FAM78B: variants seen among roughly 807,000 people sequenced by gnomAD.
FAM78B encodes protein FAM78B.
FAM78B carries 10 observed loss-of-function variants against 20.0 expected under a neutral mutation model. The ratio of observed to expected loss-of-function variants is 0.50; its 90% CI spans 0.31 to 0.85. The LOEUF is 0.85. FAM78B is among the 40% of genes least tolerant of loss of function. FAM78B has a pLI of 0.05. For synonymous variants in FAM78B, 135 were observed against 132.8 expected, an observed-to-expected ratio of 1.02 and a Z score of -0.12; for missense variants, 283 against 345.0, an observed-to-expected ratio of 0.82 and a Z score of 1.42.
At chr1:166,084,237 A>ACACTCTCTCTCTCTCTCTCTCTCT (rs771421402) in intron 1 of FAM78B, among the ~76,000 whole-genome samples, 1 of 125,416 alleles carries the variant, frequency 8.0e-6, no homozygotes. Flanking sequence ...ACACACACAC[A>ACACTCTCTCTCTCTCTCTCTCTCT]CTCTCTCTCT....
At chr1:166,165,917 G>A (rs1244246145) in intron 1 of FAM78B, 69 bp downstream of exon 1, 4 of 1,587,588 alleles carry the variant, frequency 2.5e-6, no homozygotes, top group Non-Finnish European at 3.4e-6. Flanking sequence ...AGCTGGGGAG[G>A]GGGGTCAAGG....
chr1:166,082,378 T>C (rs903779714), intron 1 of FAM78B, among the ~76,000 whole-genome samples: 4 of 152,204 alleles, frequency 2.6e-5, no homozygotes, highest in Non-Finnish European at 2.9e-5. Flanking sequence ...TCCTTTTCTT[T>C]TTCTGAAAAT....
intron 1 of FAM78B, among the ~76,000 whole-genome samples, chr1:166,153,681 G>A (rs1655777948): frequency 6.6e-6 from 1 of 152,134 alleles, no homozygotes; most frequent in Non-Finnish European, 1.5e-5. Flanking sequence ...ACTATGTAAG[G>A]GGGAGGTGGA....
At chr1:166,112,094 C>G (rs1456480706) in intron 1 of FAM78B, among the ~76,000 whole-genome samples, 1 of 152,214 alleles carries the variant, frequency 6.6e-6, no homozygotes, top group East Asian at 1.9e-4. Context: ...GGCATCACTG[C>G]CCCTGCCTAA....
At chr1:166,154,908 T>C (rs145419395) in intron 1 of FAM78B, 3 of 453,300 alleles carry the variant, frequency 6.6e-6, no homozygotes, top group East Asian at 7.1e-5. Context: ...AATGATTCTG[T>C]TGATCTACCA....
chr1:166,082,762 A>C (rs992233722), intron 1 of FAM78B: 4 of 152,532 alleles, frequency 2.6e-5, no homozygotes, highest in Admixed American at 2.6e-4. Flanking sequence ...AGTTCAAGGG[A>C]GCTGCAGAGG....
chr1:166,132,260 G>T (rs2101780140), intron 1 of FAM78B, among the ~76,000 whole-genome samples: 1 of 151,980 alleles, frequency 6.6e-6, no homozygotes, highest in South Asian at 2.1e-4. Context: ...TCCTCTCTTT[G>T]CTACCCAGAA....
intron 1 of FAM78B, among the ~76,000 whole-genome samples, chr1:166,165,497 T>C (rs892239620): frequency 6.6e-6 from 1 of 152,050 alleles, no homozygotes; most frequent in Non-Finnish European, 1.5e-5. Flanking sequence ...AGGACAGAAC[T>C]ACCAACTCCC....
intron 1 of FAM78B, among the ~76,000 whole-genome samples, chr1:166,164,453 C>T (rs917898014): frequency 2.2e-4 from 34 of 152,244 alleles, no homozygotes; most frequent in Non-Finnish European, 1.2e-4. Context: ...TGGCATGATT[C>T]GCCCCAAATA....
chr1:166,153,842 C>T (rs1414669976), intron 1 of FAM78B, among the ~76,000 whole-genome samples: 4 of 152,118 alleles, frequency 2.6e-5, no homozygotes, highest in Admixed American at 2.0e-4. Context: ...TCCCTCTATA[C>T]CCCCCTTAGA....
chr1:166,136,470 T>C (rs537280295), intron 1 of FAM78B, among the ~76,000 whole-genome samples: 2 of 152,254 alleles, frequency 1.3e-5, no homozygotes, highest in African/African-American at 4.8e-5. Context: ...AGATGCCTTA[T>C]CTCTCTGCCC....
intron 1 of FAM78B, among the ~76,000 whole-genome samples, chr1:166,071,557 C>T (rs150699913): frequency 1.3e-3 from 198 of 152,382 alleles, no homozygotes; most frequent in Non-Finnish European, 2.2e-3. Flanking sequence ...TCTCTACCCC[C>T]TGCTGTAGAC....
chr1:166,140,586 T>G (rs1415538708), intron 1 of FAM78B, among the ~76,000 whole-genome samples: 1 of 152,226 alleles, frequency 6.6e-6, no homozygotes, highest in Non-Finnish European at 1.5e-5. Flanking sequence ...CAAAGGAGAC[T>G]TCTGTCTTTT....
intron 1 of FAM78B, among the ~76,000 whole-genome samples, chr1:166,163,955 G>C (rs1656257045): frequency 6.6e-6 from 1 of 152,174 alleles, no homozygotes. Context: ...GGATTCAGTG[G>C]GGAAGGGTCA....
At position 166,069,799 on chromosome 1, in the gene FAM78B, C is replaced by G. The variant is rs901961870; in HGVS notation, c.*442G>C. 1.6e-5 allele frequency: 3 copies of G among 183,172 alleles called. No individual in the cohort carries two copies. The highest frequency in any genetic ancestry group is 3.1e-5 in the Non-Finnish European group (3 of 95,508). The allele number at this position is 183,172 out of a possible 1,614,324, so 11.3% of individuals were successfully genotyped here. ...TTTCACCACCCATTTCCCCAGCACC[C>G]TCCAGTCAGACAGCAGGAGTCTGTC... On this transcript the variant is annotated 3_prime_UTR_variant, in exon 2 of 2. Coordinates refer to ENST00000354422, the MANE Select transcript of FAM78B (RefSeq NM_001017961.5).
intron 1 of FAM78B, among the ~76,000 whole-genome samples, chr1:166,084,540 T>A (rs180824185): frequency 2.3e-4 from 35 of 152,292 alleles, no homozygotes; most frequent in South Asian, 1.9e-3. Context: ...GGAAGAGTTA[T>A]GGTTTCAGAA....
chr1:166,095,376 T>C (rs561228768), intron 1 of FAM78B, among the ~76,000 whole-genome samples: 2 of 151,990 alleles, frequency 1.3e-5, no homozygotes, highest in African/African-American at 4.8e-5. Flanking sequence ...GGTTTAAAGA[T>C]GGCAGAGGGG....
At chr1:166,102,178 C>A (rs1232052850) in intron 1 of FAM78B, among the ~76,000 whole-genome samples, 13 of 152,268 alleles carry the variant, frequency 8.5e-5, no homozygotes, top group East Asian at 7.7e-4. Flanking sequence ...TTGTCACCAC[C>A]AGGCCTGCCC....
intron 1 of FAM78B, among the ~76,000 whole-genome samples, chr1:166,125,707 C>G (rs1571185939): frequency 6.6e-6 from 1 of 152,098 alleles, no homozygotes; most frequent in Non-Finnish European, 1.5e-5. Flanking sequence ...CTACGCACAT[C>G]CTCCTGTATA....
Sources: gnomAD v4.1 joint callset for allele counts (sites outside exome capture counted in the v4.1 genomes callset) on GRCh38, gnomAD v4.1.1 for gene constraint, MANE v1.5 for transcripts, NCBI Gene and HGNC (gene_info 2026-07-23, HGNC 2026-07-21) for gene names.